Variants in APBA2 observed in about 807,000 individuals in gnomAD.
APBA2 encodes amyloid beta precursor protein binding family A member 2.
A neutral mutation model predicts 75.0 loss-of-function variants in APBA2; 30 were observed. The observed-to-expected ratio is 0.40, with a 90% CI of 0.30 to 0.54. APBA2 has a LOEUF of 0.54. Ranked by LOEUF, APBA2 falls within the 20% of genes least tolerant of loss-of-function variation. The probability of loss-of-function intolerance (pLI) is 0.49; values close to 1 mark genes in which losing one functional copy is unlikely to be tolerated. For missense variants in APBA2, 801 were observed against 1,016.1 expected (o/e 0.79, Z 2.88); for synonymous variants, 444 against 409.6 (o/e 1.08, Z -1.01).
At chr15:28,995,694 C>T (rs2038480700) in intron 2 of APBA2, 59 bp from the exon 3 acceptor site, 1 of 152,198 alleles carries the variant, frequency 6.6e-6, no homozygotes, top group South Asian at 2.1e-4. Flanking sequence ...TCTATGTGCG[C>T]ACCTGTATCA....
At chr15:28,944,382 T>C (rs1404020869) in intron 2 of APBA2, among the ~76,000 whole-genome samples, 3 of 152,182 alleles carry the variant, frequency 2.0e-5, no homozygotes, top group Non-Finnish European at 4.4e-5. Flanking sequence ...TCACTGTCCA[T>C]CCGGTACCCT....
chr15:29,049,333 T>C (rs528095617), intron 3 of APBA2, among the ~76,000 whole-genome samples: 1 of 152,332 alleles, frequency 6.6e-6, no homozygotes, highest in East Asian at 1.9e-4. Flanking sequence ...GTGTTTACAC[T>C]TTCTGATGGG....
intron 4 of APBA2, among the ~76,000 whole-genome samples, chr15:29,060,489 G>C (rs2042085389): frequency 2.0e-5 from 3 of 152,226 alleles, no homozygotes. Context: ...TGGAGGGTGA[G>C]TCAGTGTGGG....
At chr15:28,970,290 G>A (rs1046794734) in intron 2 of APBA2, 4 of 151,228 alleles carry the variant, frequency 2.6e-5, no homozygotes, top group Non-Finnish European at 5.9e-5. Flanking sequence ...TTTATACAAC[G>A]TATATATTAT....
chr15:29,088,282 C>T (rs1164914506), intron 6 of APBA2, among the ~76,000 whole-genome samples: 1 of 152,170 alleles, frequency 6.6e-6, no homozygotes, highest in Non-Finnish European at 1.5e-5. Flanking sequence ...CATGACCTTC[C>T]TTGCAGACTC....
chr15:29,085,129 A>G (rs532829213), intron 6 of APBA2, among the ~76,000 whole-genome samples: 1 of 152,344 alleles, frequency 6.6e-6, no homozygotes, highest in East Asian at 1.9e-4. Context: ...GAATTCTTCT[A>G]TGTAGAGAAA....
chr15:28,992,059 A>G (rs2038262952), intron 2 of APBA2, among the ~76,000 whole-genome samples: 1 of 152,178 alleles, frequency 6.6e-6, no homozygotes, highest in South Asian at 2.1e-4. Context: ...TAGCTTTGCT[A>G]AGAAAATGCT....
intron 7 of APBA2, 40 bp downstream of exon 7, chr15:29,093,260 C>A: frequency 2.5e-6 from 4 of 1,611,260 alleles, no homozygotes; most frequent in Non-Finnish European, 2.5e-6. Flanking sequence ...TGCCCGCACA[C>A]TTTGGGGGGC....
intron 1 of APBA2, among the ~76,000 whole-genome samples, chr15:28,897,421 A>G (rs1013021119): frequency 2.0e-5 from 3 of 151,954 alleles, no homozygotes; most frequent in African/African-American, 7.3e-5. Flanking sequence ...TTTGAGACCA[A>G]CATGACCAAC....
At chr15:28,968,883 T>A (rs1566854994) in intron 2 of APBA2, among the ~76,000 whole-genome samples, 1 of 152,162 alleles carries the variant, frequency 6.6e-6, no homozygotes. Context: ...GGCTGTCTCT[T>A]GCCCTTCATT....
intron 3 of APBA2, among the ~76,000 whole-genome samples, chr15:29,053,217 C>G (rs1374731237): frequency 6.6e-6 from 1 of 152,164 alleles, no homozygotes; most frequent in Admixed American, 6.5e-5. Context: ...CAGTGCTGTC[C>G]CCTCTGCTGA....
chr15:29,095,920 A>G (rs1468846177), intron 8 of APBA2, among the ~76,000 whole-genome samples: 1 of 152,202 alleles, frequency 6.6e-6, no homozygotes, highest in Non-Finnish European at 1.5e-5. Context: ...CTCCTAGTCC[A>G]GCTGGAGCAG....
chr15:29,054,383 A>C lies in APBA2; in HGVS notation c.499A>C (p.Ile167Leu). 3.7e-6 allele frequency: 6 copies of C among 1,614,156 alleles called. No individual in the cohort carries two copies. Among genetic ancestry groups the C allele is most frequent in the Non-Finnish European group, 5.1e-6 (6 of 1,180,036 alleles). Reference sequence around the variant, plus strand: ...GGACTACCCAGACGGCCAACTGCCCATTCCGGAGGATGAGCCCTCCGTCCT... The same window carrying C: ...GGACTACCCAGACGGCCAACTGCCCCTTCCGGAGGATGAGCCCTCCGTCCT... Reference protein sequence around the residue: ...SQDYPDGQLPIPEDEPSVLEA... With the variant: ...SQDYPDGQLPLPEDEPSVLEA... The change falls in exon 4 of 15, where the codon ATT becomes CTT. Residue 167 changes from isoleucine to leucine, a missense_variant. By Grantham distance (5) the Ile-to-Leu change is conservative. Coordinates refer to ENST00000683413, the MANE Select transcript of APBA2 (RefSeq NM_001353788.2). This position sits in a 1 kb window ranked among gnomAD's most constrained non-coding sequence, Gnocchi z 6.1.
chr15:28,971,034 G>A (rs2037040084), intron 2 of APBA2, among the ~76,000 whole-genome samples: 1 of 152,096 alleles, frequency 6.6e-6, no homozygotes, highest in Non-Finnish European at 1.5e-5. Context: ...GGACACCAGG[G>A]CAGTAATCCG....
At chr15:29,033,987 A>G (rs1357499695) in intron 3 of APBA2, among the ~76,000 whole-genome samples, 19 of 148,514 alleles carry the variant, frequency 1.3e-4, no homozygotes, top group South Asian at 6.7e-4. Flanking sequence ...AAAAAAAAAA[A>G]AAGAAGAAGG....
chr15:28,946,720 G>A (rs2035571103), intron 2 of APBA2, among the ~76,000 whole-genome samples: 6 of 152,260 alleles, frequency 3.9e-5, no homozygotes, highest in African/African-American at 1.4e-4. Flanking sequence ...CTGGGATACA[G>A]GCACATGCCA....
chr15:29,006,854 C>G (rs2039144402), intron 3 of APBA2, among the ~76,000 whole-genome samples: 1 of 152,196 alleles, frequency 6.6e-6, no homozygotes, highest in African/African-American at 2.4e-5. Flanking sequence ...TCTACAGATT[C>G]ATTGCAATCC....
At position 29,106,720 on chromosome 15, in the gene APBA2, T is replaced by C; in HGVS notation, c.1818T>C (p.Ala606=). Residue 606 remains alanine (A), a synonymous_variant, in exon 12 of 15, where the codon GCT becomes GCC. Transcript: ENST00000683413. ...ILANMMNGGP[A]ARSGKLSIGD... ...CCAACATGATGAATGGCGGCCCGGCTGCCCGCTCGGGGAAGCTGAGCATCG... is the reference window on the plus strand; with the variant it reads ...CCAACATGATGAATGGCGGCCCGGCCGCCCGCTCGGGGAAGCTGAGCATCG... 7.4e-6 allele frequency: 12 copies of C among 1,613,014 alleles called. No individual in the cohort carries two copies. The highest frequency in any genetic ancestry group is 1.0e-5 in the Non-Finnish European group (12 of 1,179,994).
At chr15:29,015,624 T>A (rs1357604335) in intron 3 of APBA2, among the ~76,000 whole-genome samples, 1 of 152,240 alleles carries the variant, frequency 6.6e-6, no homozygotes, top group Non-Finnish European at 1.5e-5. Flanking sequence ...AGTGAATACA[T>A]TTTAAAAAAT....
Sources: allele counts gnomAD v4.1 joint callset (sites outside exome capture counted in the v4.1 genomes callset), GRCh38; gene constraint gnomAD v4.1.1; non-coding constraint Gnocchi (gnomAD v3.1); transcripts MANE v1.5; gene names NCBI Gene and HGNC (gene_info 2026-07-23, HGNC 2026-07-21).